The following DNAH12 variants were observed in gnomAD, a reference collection of about 807,000 sequenced individuals.
DNAH12 encodes the protein axonemal beta dynein heavy chain 12.
DNAH12 carries 285 observed loss-of-function variants against 371.5 expected under a neutral mutation model. That is an observed-to-expected ratio of 0.77 (90% CI 0.70 to 0.85). DNAH12 has a LOEUF of 0.85. Ranked by LOEUF, DNAH12 falls within the 40% of genes least tolerant of loss-of-function variation. The pLI is 0.00. For synonymous variants in DNAH12, 1,200 were observed against 1,213.0 expected (o/e 0.99, Z 0.22); for missense variants, 3,611 against 3,689.4 (o/e 0.98, Z 0.55).
chr3:57,471,677 C>A (rs191034937), intron 14 of DNAH12, 71 bp from the exon 15 acceptor site: 603 of 1,321,638 alleles, frequency 4.6e-4, no homozygotes, highest in Admixed American at 6.9e-4. Context: ...AATCCAAATA[C>A]TGTGTATAAT....
intron 65 of DNAH12, among the ~76,000 whole-genome samples, chr3:57,315,482 T>A (rs2061666092): frequency 6.6e-6 from 1 of 151,170 alleles, no homozygotes; most frequent in Non-Finnish European, 1.5e-5. Flanking sequence ...AGCAATGATC[T>A]AATTTACATG....
intron 25 of DNAH12, among the ~76,000 whole-genome samples, chr3:57,449,435 C>T (rs986115460): frequency 1.2e-4 from 18 of 152,188 alleles, no homozygotes; most frequent in African/African-American, 4.3e-4. Flanking sequence ...CACAGGAGCC[C>T]ATGGAGTGGG....
chr3:57,407,198 A>G (rs1163660360), intron 40 of DNAH12, among the ~76,000 whole-genome samples: 2 of 149,588 alleles, frequency 1.3e-5, no homozygotes, highest in African/African-American at 4.9e-5. Flanking sequence ...CGCCCAGCCA[A>G]CGTTTTTTAT....
At chr3:57,458,393 T>A (rs1320106496) in intron 20 of DNAH12, among the ~76,000 whole-genome samples, 173 bp from the exon 21 acceptor site, 1 of 152,210 alleles carries the variant, frequency 6.6e-6, no homozygotes, top group Non-Finnish European at 1.5e-5. Context: ...ACTATTAAAA[T>A]TCAATAAGTT....
At position 57,405,771 on chromosome 3, in the gene DNAH12, C is replaced by A; in HGVS notation, c.6458G>T (p.Arg2153Leu). The A allele has an allele frequency of 6.4e-7, 1 of 1,551,606 alleles. No individual in the cohort carries two copies. Among genetic ancestry groups the A allele is most frequent in the Non-Finnish European group, 8.7e-7 (1 of 1,146,964 alleles). Residue 2153 changes from arginine to leucine, a missense_variant, in exon 41 of 74, where the codon CGC becomes CTC. Coordinates refer to ENST00000495027, the MANE Select transcript of DNAH12 (RefSeq NM_001366028.2). ...VHEVLRVFYD[R>L]LINDDDRRWL... ...TCTTCGATCATCATCATTAATGAGGCGATCATAAAACACTCGGAGAACCTC... is the reference window on the plus strand; with the variant it reads ...TCTTCGATCATCATCATTAATGAGGAGATCATAAAACACTCGGAGAACCTC...
At chr3:57,377,517 G>A (rs1161318471) in intron 52 of DNAH12, among the ~76,000 whole-genome samples, 3 of 151,922 alleles carry the variant, frequency 2.0e-5, no homozygotes, top group African/African-American at 4.8e-5. Context: ...ATGAGAAGGT[G>A]TCACTTAACT....
chr3:57,474,748 A>G (rs2066470512), intron 13 of DNAH12, among the ~76,000 whole-genome samples: 3 of 152,126 alleles, frequency 2.0e-5, no homozygotes, highest in South Asian at 4.1e-4. Context: ...CATGAGGTCA[A>G]GAGATGGAGA....
intron 2 of DNAH12, among the ~76,000 whole-genome samples, chr3:57,538,658 C>T (rs1025985778): frequency 2.0e-5 from 3 of 152,192 alleles, no homozygotes; most frequent in Non-Finnish European, 2.9e-5. Flanking sequence ...GACTTTTCTC[C>T]GCACATCTAA....
At chr3:57,537,364 G>A (rs2069089459) in intron 2 of DNAH12, among the ~76,000 whole-genome samples, 1 of 152,184 alleles carries the variant, frequency 6.6e-6, no homozygotes, top group African/African-American at 2.4e-5. Flanking sequence ...TAGTAGCTAA[G>A]GAAGAAGGCA....
chr3:57,449,238 A>G lies in DNAH12; in HGVS notation c.3787-2549T>C, dbSNP rs557526500. 2.6e-4 allele frequency among the ~76,000 whole-genome samples: 40 copies of G among 152,334 alleles called. 1 individual carries two copies. In the East Asian group the frequency reaches 7.5e-3, roughly 29 times the overall value. On this transcript the variant is annotated intron_variant, in intron 25 of 73. Transcript: ENST00000495027. The stretch of plus-strand genomic sequence containing the variant: ...TTTACAATCCCTGAGCTAGACATAA[A>G]GACTCTCCATGTCCCCACCAGACTC...
intron 65 of DNAH12, among the ~76,000 whole-genome samples, chr3:57,322,136 G>A (rs918161279): frequency 2.6e-5 from 4 of 152,096 alleles, no homozygotes; most frequent in Non-Finnish European, 2.9e-5. Context: ...TATTTATTTC[G>A]ATGTCTACTG....
At chr3:57,542,155 TG>T (rs35978339) in intron 2 of DNAH12, among the ~76,000 whole-genome samples, 4,931 of 81,336 alleles carry the variant, frequency 0.061, 218 homozygotes, top group East Asian at 0.18. Flanking sequence ...TCCACTAAAC[TG>T]GGGGGGGGGG....
At position 57,457,784 on chromosome 3, in the gene DNAH12, C is replaced by T. The variant is rs1354253666; in HGVS notation, c.3273G>A (p.Trp1091Ter). 2 of 1,551,472 alleles carry T rather than the reference C, an allele frequency of 1.3e-6. No individual in the cohort carries two copies. Among genetic ancestry groups the T allele is most frequent in the East Asian group, 2.4e-5 (1 of 40,906 alleles). Reference protein sequence around the residue: ...TSAARGAVEKWLIQVEDLMLR... With the variant: ...TSAARGAVEK The stretch of plus-strand genomic sequence containing the variant: ...GCATTAGGTCTTCCACTTGAATGAG[C>T]CACTTTTCCACAGCACCCCGCGCTG... Residue 1091 changes from tryptophan (W) to a stop codon, truncating the protein, a stop_gained, in exon 22 of 74, where the codon TGG becomes TGA. Coordinates refer to ENST00000495027, the MANE Select transcript of DNAH12 (RefSeq NM_001366028.2). LOFTEE classifies it high-confidence loss of function.
At chr3:57,525,756 CTTTTTTTTTT>C (rs776184662) in intron 2 of DNAH12, among the ~76,000 whole-genome samples, 2 of 76,272 alleles carry the variant, frequency 2.6e-5, no homozygotes, top group South Asian at 5.7e-4. Flanking sequence ...ATGTCTTATT[CTTTTTTTTTT>C]TTTTTTTTTT....
intron 34 of DNAH12, among the ~76,000 whole-genome samples, chr3:57,427,128 T>A (rs1329041713): frequency 3.1e-5 from 3 of 97,274 alleles, no homozygotes; most frequent in African/African-American, 5.2e-5. Context: ...TATTTATATG[T>A]AAGAAGCGAA....
chr3:57,306,055 G>A (rs1003787191), intron 69 of DNAH12, among the ~76,000 whole-genome samples: 8 of 152,126 alleles, frequency 5.3e-5, no homozygotes, highest in Admixed American at 2.6e-4. Flanking sequence ...AAATCGGACC[G>A]TTCAACTCAC....
chr3:57,421,902 C>CTATTTTTTTTTTT (rs2064595323), intron 35 of DNAH12, among the ~76,000 whole-genome samples, 196 bp from the exon 36 acceptor site: 1 of 98,548 alleles, frequency 1.0e-5, no homozygotes, highest in Non-Finnish European at 2.0e-5. Context: ...GTTTGCATGT[C>CTATTTTTTTTTTT]TTTTTTTTTT....
chr3:57,420,944 A>T (rs1345077586), intron 36 of DNAH12, among the ~76,000 whole-genome samples: 4 of 151,714 alleles, frequency 2.6e-5, no homozygotes, highest in Non-Finnish European at 5.9e-5. Flanking sequence ...AGAAATAAAG[A>T]ATATGCTTGT....
At chr3:57,393,002 G>A (rs892198910) in intron 44 of DNAH12, among the ~76,000 whole-genome samples, 7 of 152,102 alleles carry the variant, frequency 4.6e-5, no homozygotes, top group African/African-American at 1.4e-4. Context: ...TGTTGTTGTT[G>A]TTGTTGTTTT....
Sources: allele counts gnomAD v4.1 joint callset (sites outside exome capture counted in the v4.1 genomes callset), GRCh38; gene constraint gnomAD v4.1.1; transcripts MANE v1.5; gene names NCBI Gene and HGNC (gene_info 2026-07-23, HGNC 2026-07-21).